The following UPF2 variants were observed in gnomAD, a reference collection of about 807,000 sequenced individuals.
UPF2 encodes UPF2 regulator of nonsense mediated mRNA decay, also known as regulator of nonsense transcripts 2.
UPF2 carries 17 observed loss-of-function variants against 141.4 expected under a neutral mutation model. The ratio of observed to expected loss-of-function variants is 0.12; its 90% CI spans 0.08 to 0.18. UPF2 has a LOEUF of 0.18. Ranked by LOEUF, UPF2 falls within the 10% of genes least tolerant of loss-of-function variation. The pLI is 1.00. For missense variants in UPF2, 1,152 were observed against 1,515.9 expected (o/e 0.76, Z 3.99); for synonymous variants, 540 against 498.0 (o/e 1.08, Z -1.12).
At chr10:12,017,791 G>A (rs1414046044) in intron 3 of UPF2, among the ~76,000 whole-genome samples, 2 of 152,002 alleles carry the variant, frequency 1.3e-5, no homozygotes, top group African/African-American at 4.8e-5. Context: ...TGTGCAAAAC[G>A]TGCAGGTTTG....
At chr10:11,994,669 C>G (rs1020470595) in intron 8 of UPF2, among the ~76,000 whole-genome samples, 1 of 152,086 alleles carries the variant, frequency 6.6e-6, no homozygotes, top group Non-Finnish European at 1.5e-5. Context: ...TGGAGATGCA[C>G]AAAATGAAAA....
intron 18 of UPF2, among the ~76,000 whole-genome samples, chr10:11,942,021 A>G (rs1195053987): frequency 6.6e-6 from 1 of 152,228 alleles, no homozygotes; most frequent in Non-Finnish European, 1.5e-5. Context: ...AATGACCCCA[A>G]ATGTCTATCT....
intron 8 of UPF2, among the ~76,000 whole-genome samples, chr10:11,984,911 A>G (rs1833661584): frequency 6.6e-6 from 1 of 151,934 alleles, no homozygotes. Flanking sequence ...CAGGGTTTCA[A>G]CATGGTGGCC....
intron 10 of UPF2, among the ~76,000 whole-genome samples, chr10:11,965,070 T>C (rs1353530799): frequency 6.6e-6 from 1 of 152,198 alleles, no homozygotes; most frequent in East Asian, 1.9e-4. Flanking sequence ...GTTTTGAATT[T>C]TGGAGGATTT....
At position 12,035,452 on chromosome 10, in the gene UPF2, G is replaced by C; in HGVS notation, c.-18-11C>G. 6.6e-7 allele frequency: 1 copy of C among 1,510,696 alleles called. No individual in the cohort carries two copies. Among genetic ancestry groups the C allele is most frequent in the Non-Finnish European group, 8.8e-7 (1 of 1,139,178 alleles). 93.6% of individuals were successfully genotyped at this position (1,510,696 alleles called of 1,614,324 possible). ...GTGACCCAGGACAATCTGTAAGAGG[G>C]AAAGAATGTCAGTACCATAGATGCA... On this transcript the variant is annotated splice_polypyrimidine_tract_variant and intron_variant, in intron 1 of 21. Transcript: ENST00000357604.
At chr10:11,968,773 C>T (rs1833364308) in intron 9 of UPF2, among the ~76,000 whole-genome samples, 1 of 152,180 alleles carries the variant, frequency 6.6e-6, no homozygotes, top group Non-Finnish European at 1.5e-5. Context: ...CTCAGAATTC[C>T]ATTTTCATCG....
At chr10:12,040,126 G>A (rs942525329) in intron 1 of UPF2, among the ~76,000 whole-genome samples, 1 of 152,060 alleles carries the variant, frequency 6.6e-6, no homozygotes, top group Non-Finnish European at 1.5e-5. Context: ...AGGCATGCAA[G>A]AATTAGACTC....
intron 19 of UPF2, among the ~76,000 whole-genome samples, chr10:11,934,182 A>C (rs1832815185): frequency 6.6e-6 from 1 of 152,256 alleles, no homozygotes; most frequent in Admixed American, 6.5e-5. Context: ...GGTTCAGAGA[A>C]TTAAATAGTC....
chr10:11,961,247 C>G (rs1335794251), intron 11 of UPF2, among the ~76,000 whole-genome samples: 3 of 151,994 alleles, frequency 2.0e-5, no homozygotes, highest in Non-Finnish European at 4.4e-5. Context: ...AATAAATCAA[C>G]TACTATTCTT....
At position 11,936,669 on chromosome 10, in the gene UPF2, G is replaced by A; in HGVS notation, c.3422C>T (p.Ala1141Val). Reference protein sequence around the residue: ...ESVKVHQLDVAIPLHLKSQLR... With the variant: ...ESVKVHQLDVVIPLHLKSQLR... Reference sequence around the variant, plus strand: ...CTGGCTTTTGAGATGCAAAGGAATGGCAACATCTAGTTGGTGCACTTTAAC... The same window carrying A: ...CTGGCTTTTGAGATGCAAAGGAATGACAACATCTAGTTGGTGCACTTTAAC... The change falls in exon 19 of 22, where the codon GCC becomes GTC. Residue 1141 changes from alanine to valine, a missense_variant. By Grantham distance (64) the Ala-to-Val change is moderately conservative. Coordinates refer to ENST00000357604, the MANE Select transcript of UPF2 (RefSeq NM_015542.4). This position sits in a 1 kb window ranked among gnomAD's most constrained non-coding sequence, Gnocchi z 6.6. 1 of 1,612,642 alleles carries A rather than the reference G, an allele frequency of 6.2e-7. No individual in the cohort carries two copies. The highest frequency in any genetic ancestry group is 8.5e-7 in the Non-Finnish European group (1 of 1,179,386).
intron 3 of UPF2, among the ~76,000 whole-genome samples, chr10:12,024,478 C>T (rs1834374315): frequency 1.3e-5 from 2 of 151,922 alleles, no homozygotes; most frequent in Non-Finnish European, 1.5e-5. Flanking sequence ...GGTGTGGTGG[C>T]ATGTGCCTAT....
intron 18 of UPF2, among the ~76,000 whole-genome samples, chr10:11,942,375 G>GAA (rs113809934): frequency 1.0e-4 from 15 of 146,708 alleles, no homozygotes; most frequent in African/African-American, 3.5e-4. Flanking sequence ...TCTGTCTCAA[G>GAA]AAAAAAAAAA....
At position 11,938,853 on chromosome 10, in the gene UPF2, GTTTTTTTTTTTTTT is replaced by G. The variant is rs58106776; in HGVS notation, c.3379-2155_3379-2142del. Among the ~76,000 whole-genome samples, 425 of 79,842 alleles carry G rather than the reference GTTTTTTTTTTTTTT, an allele frequency of 5.3e-3. 5 individuals are homozygous for G. Among genetic ancestry groups the G allele is most frequent in the Admixed American group, 0.029 (169 of 5,842 alleles). The allele number at this position is 79,842 out of a possible 152,430, so 52.4% of individuals were successfully genotyped here. A position where few individuals can be genotyped will look rare whatever the true frequency, so the allele number is the denominator to read the frequency against. On this transcript the variant is annotated intron_variant, in intron 18 of 21. Coordinates refer to ENST00000357604, the MANE Select transcript of UPF2 (RefSeq NM_015542.4). ...GTGGTCTTAAGCAAGTTTTTTTTTT[GTTTTTTTTTTTTTT>G]TTTTTTTTTTTTTTTGGAGACGGAG...
intron 21 of UPF2, among the ~76,000 whole-genome samples, chr10:11,929,234 G>A (rs981792321): frequency 6.6e-6 from 1 of 152,156 alleles, no homozygotes; most frequent in African/African-American, 2.4e-5. Context: ...TGTAAACATC[G>A]ATATTAATTA....
intron 2 of UPF2, among the ~76,000 whole-genome samples, chr10:12,032,034 C>G (rs1834533102): frequency 6.6e-6 from 1 of 152,182 alleles, no homozygotes; most frequent in South Asian, 2.1e-4. Context: ...TGGCTCACGC[C>G]TGTAATCCCA....
At chr10:11,955,100 A>C in intron 14 of UPF2, 132 bp downstream of exon 14, 1 of 872,140 alleles carries the variant, frequency 1.1e-6, no homozygotes, top group East Asian at 3.3e-5. Flanking sequence ...GCATTCTTAT[A>C]TGAAGAATAT....
chr10:12,007,160 A>C (rs1834048215), intron 4 of UPF2, among the ~76,000 whole-genome samples: 1 of 152,224 alleles, frequency 6.6e-6, no homozygotes, highest in Non-Finnish European at 1.5e-5. Context: ...ACAAGAACTG[A>C]CTCAGAAAGC....
chr10:12,015,019 T>C (rs952678491), intron 3 of UPF2, among the ~76,000 whole-genome samples: 1 of 152,186 alleles, frequency 6.6e-6, no homozygotes, highest in Non-Finnish European at 1.5e-5. Context: ...CCAAAATGTA[T>C]AGAGTAAAAG....
At chr10:11,990,678 C>CCAA (rs1833764123) in intron 8 of UPF2, among the ~76,000 whole-genome samples, 1 of 98,032 alleles carries the variant, frequency 1.0e-5, no homozygotes, top group East Asian at 3.0e-4. Flanking sequence ...GACTCTGTCT[C>CCAA]AAAAAAAAAA....
Sources: gnomAD v4.1 joint callset for allele counts (sites outside exome capture counted in the v4.1 genomes callset) on GRCh38, gnomAD v4.1.1 for gene constraint, Gnocchi (gnomAD v3.1) non-coding constraint, MANE v1.5 for transcripts, NCBI Gene and HGNC (gene_info 2026-07-23, HGNC 2026-07-21) for gene names.